AK9: variants seen among roughly 807,000 people sequenced by gnomAD.
The protein encoded by AK9 is adenylate kinase domain containing 1.
In AK9, 191 loss-of-function variants were observed where a neutral mutation model predicts 239.6. That is an observed-to-expected ratio of 0.80 (90% CI 0.71 to 0.90). AK9 has a LOEUF of 0.90. Among genes scored for constraint, AK9 ranks in the 40% least tolerant of loss-of-function variants. The pLI, the probability that AK9 is intolerant of heterozygous loss-of-function variation, is 0.00. For missense variants in AK9, 1,995 were observed against 2,214.7 expected (o/e 0.90, Z 1.99); for synonymous variants, 689 against 721.0 (o/e 0.96, Z 0.71).
chr6:109,642,315 G>A (rs533788871), intron 9 of AK9, among the ~76,000 whole-genome samples: 1 of 152,280 alleles, frequency 6.6e-6, no homozygotes, highest in Admixed American at 6.5e-5. Flanking sequence ...AAAAATAAAA[G>A]AGGCCAGCAC....
rs763010720 is a variant in AK9 at position 109,521,239 on chromosome 6, C to T, written c.3634-4597G>A. On this transcript the variant is annotated intron_variant, in intron 29 of 40. Coordinates refer to ENST00000424296, the MANE Select transcript of AK9 (RefSeq NM_001145128.3). The stretch of plus-strand genomic sequence containing the variant: ...AGAAAGTAACAAAACAAACAGTAAA[C>T]GGTAATCTCTTTTGACCCTTGTGAT... Among the ~76,000 whole-genome samples the T allele has an allele frequency of 3.9e-5, 6 of 151,974 alleles. No individual in the cohort carries two copies. In the South Asian group the frequency reaches 6.2e-4, roughly 16 times the overall value.
Position 109,542,467 on chromosome 6 carries a change from C to T in AK9, c.3226-296G>A, listed in dbSNP as rs9487140. Among the ~76,000 whole-genome samples, 856 of 152,234 alleles carry T rather than the reference C, an allele frequency of 5.6e-3. 9 individuals carry two copies. Among genetic ancestry groups the T allele is most frequent in the African/African-American group, 0.02 (826 of 41,522 alleles). ...ATTTCAGGATAACTAGAAGAGAGGGCTTGAAATGCTCCCAACACATAGCAA... is the reference window on the plus strand; with the variant it reads ...ATTTCAGGATAACTAGAAGAGAGGGTTTGAAATGCTCCCAACACATAGCAA... On this transcript the variant is annotated intron_variant, in intron 26 of 40. Transcript: ENST00000424296.
At chr6:109,647,688 A>C (rs1014208636) in intron 8 of AK9, among the ~76,000 whole-genome samples, 4 of 152,194 alleles carry the variant, frequency 2.6e-5, no homozygotes, top group African/African-American at 9.7e-5. Flanking sequence ...AACGAGACAG[A>C]AAGTTAACAA....
In AK9 at chr6:109,614,391, C is replaced by A. The variant is rs1273636474; in HGVS notation, c.1489G>T (p.Glu497Ter). ...PMEATHSSIDEEGYIQGSQRD... is the reference protein window; with the variant it reads ...PMEATHSSID ...CAGCAATATATTTCTTTACCTTCTT[C>A]ATCAATTGATGAGTGTGTTGCCTCC... Residue 497 changes from glutamate (E) to a stop codon, truncating the protein, a stop_gained, in exon 14 of 41, where the codon GAA (glutamate) becomes TAA (stop). Coordinates refer to ENST00000424296, the MANE Select transcript of AK9 (RefSeq NM_001145128.3). LOFTEE classifies it high-confidence loss of function. The A allele has an allele frequency of 2.6e-6, 4 of 1,550,988 alleles. No individual in the cohort carries two copies. In the Admixed American group the frequency reaches 7.9e-5, roughly 30 times the overall value.
intron 13 of AK9, among the ~76,000 whole-genome samples, chr6:109,617,017 A>G (rs994311764): frequency 6.6e-6 from 1 of 152,166 alleles, no homozygotes; most frequent in African/African-American, 2.4e-5. Flanking sequence ...GTTAATAACT[A>G]CTTAGAAAAT....
intron 5 of AK9, among the ~76,000 whole-genome samples, chr6:109,668,262 A>C (rs1801550064): frequency 6.6e-6 from 1 of 151,134 alleles, no homozygotes; most frequent in Non-Finnish European, 1.5e-5. Flanking sequence ...TTTTCTTGTA[A>C]ATTTGTTTGA....
intron 30 of AK9, 33 bp downstream of exon 30, chr6:109,516,397 T>C: frequency 6.6e-7 from 1 of 1,517,550 alleles, no homozygotes; most frequent in East Asian, 2.5e-5. Context: ...AATATTACTT[T>C]TGAATTATAA....
chr6:109,537,257 TATTA>T (rs1782144210), intron 27 of AK9, among the ~76,000 whole-genome samples: 1 of 152,118 alleles, frequency 6.6e-6, no homozygotes, highest in Non-Finnish European at 1.5e-5. Context: ...GTTGGTAGGC[TATTA>T]ATTCTTGCCT....
chr6:109,527,153 G>A (rs750147858), intron 29 of AK9, among the ~76,000 whole-genome samples: 27 of 152,154 alleles, frequency 1.8e-4, no homozygotes, highest in African/African-American at 6.5e-4. Flanking sequence ...AGCAAGGCCA[G>A]GGGCTGCCTT....
intron 26 of AK9, among the ~76,000 whole-genome samples, chr6:109,544,994 T>C (rs1270086921): frequency 6.6e-6 from 1 of 152,256 alleles, no homozygotes; most frequent in Non-Finnish European, 1.5e-5. Flanking sequence ...GTACTTTATA[T>C]TCTAGAAGAG....
intron 24 of AK9, among the ~76,000 whole-genome samples, chr6:109,551,234 T>C (rs1202726742): frequency 6.6e-6 from 1 of 152,110 alleles, no homozygotes; most frequent in Non-Finnish European, 1.5e-5. Flanking sequence ...TATGCAAACC[T>C]TGGCTGCGTG....
chr6:109,585,834 G>C (rs1789439697), intron 18 of AK9, 82 bp downstream of exon 18: 1 of 1,287,792 alleles, frequency 7.8e-7, no homozygotes, highest in Non-Finnish European at 1.1e-6. Context: ...AGGAAGAGTG[G>C]AGAGTTGTCC....
intron 13 of AK9, among the ~76,000 whole-genome samples, chr6:109,616,905 C>A (rs1445493390): frequency 6.6e-6 from 1 of 151,784 alleles, no homozygotes; most frequent in Non-Finnish European, 1.5e-5. Context: ...TCTGGAAAAC[C>A]CAAGAGAATC....
chr6:109,594,098 T>C (rs554711986), intron 17 of AK9, among the ~76,000 whole-genome samples: 4 of 152,258 alleles, frequency 2.6e-5, no homozygotes, highest in Admixed American at 1.3e-4. Context: ...GACGACATGA[T>C]TGTATATTTA....
intron 17 of AK9, among the ~76,000 whole-genome samples, chr6:109,609,559 C>T (rs1259105059): frequency 6.6e-6 from 1 of 152,126 alleles, no homozygotes; most frequent in Admixed American, 6.5e-5. Flanking sequence ...ATGCAGAAAA[C>T]TTTGAAAAGT....
In AK9 at chr6:109,563,604, T is replaced by C. The variant is rs909480638; in HGVS notation, c.2744A>G (p.Glu915Gly). ...EVDEELEEEEEEEGEDKMKER... is the reference protein window; with the variant it reads ...EVDEELEEEEGEEGEDKMKER... The stretch of plus-strand genomic sequence containing the variant: ...GAAATAAAAGAATCATGCCTCTTCC[T>C]CTTCCTCTTCCTCTAGCTCCTCATC... The change falls in exon 24 of 41, where the codon GAG (glutamate) becomes GGG (glycine). Residue 915 changes from glutamate (E) to glycine (G), a missense_variant. Around this residue, in one of 5 missense-constraint regions of AK9, gnomAD observed 1,290 missense variants for 1,392.7 expected, o/e 0.93. Transcript: ENST00000424296. 3 of 1,550,790 alleles carry C rather than the reference T, an allele frequency of 1.9e-6. No individual in the cohort carries two copies. Among genetic ancestry groups the C allele is most frequent in the African/African-American group, 2.7e-5 (2 of 73,030 alleles).
At chr6:109,624,000 C>A (rs1583302594) in intron 12 of AK9, among the ~76,000 whole-genome samples, 1 of 151,532 alleles carries the variant, frequency 6.6e-6, no homozygotes, top group South Asian at 2.1e-4. Context: ...GCTTATGGAA[C>A]AATTACTCAC....
At chr6:109,530,157 G>T (rs1188418551) in intron 28 of AK9, among the ~76,000 whole-genome samples, 1 of 152,156 alleles carries the variant, frequency 6.6e-6, no homozygotes, top group East Asian at 1.9e-4. Flanking sequence ...CTTCAGGTTT[G>T]GGGGCTTATT....
At chr6:109,523,072 C>T (rs189803312) in intron 29 of AK9, among the ~76,000 whole-genome samples, 26 of 152,210 alleles carry the variant, frequency 1.7e-4, no homozygotes, top group African/African-American at 6.3e-4. Context: ...GCAATTTACC[C>T]TCTTACACTT....
Sources: allele counts gnomAD v4.1 joint callset (sites outside exome capture counted in the v4.1 genomes callset), GRCh38; gene constraint gnomAD v4.1.1; regional missense constraint gnomAD v4.1.1; transcripts MANE v1.5; gene names NCBI Gene and HGNC (gene_info 2026-07-23, HGNC 2026-07-21).